LRRC27: variants seen among roughly 807,000 people sequenced by gnomAD.
LRRC27 encodes the protein leucine-rich repeat-containing protein 27.
LRRC27 carries 57 observed loss-of-function variants against 55.0 expected under a neutral mutation model. The ratio of observed to expected loss-of-function variants is 1.04; its 90% confidence interval spans 0.84 to 1.29. The LOEUF is 1.29. Ranked by LOEUF, LRRC27 falls within the 50% of genes most tolerant of loss-of-function variation. The pLI, the probability that LRRC27 is intolerant of heterozygous loss-of-function variation, is 0.00. For missense variants in LRRC27, 721 were observed against 651.5 expected (o/e 1.11, Z -1.16); for synonymous variants, 278 against 251.9 (o/e 1.10, Z -0.98).
At chr10:132,373,463 CG>C (rs2069262874) in intron 10 of LRRC27, among the ~76,000 whole-genome samples, 2 of 152,032 alleles carry the variant, frequency 1.3e-5, no homozygotes, top group Non-Finnish European at 2.9e-5. Context: ...CCAGGGAGGG[CG>C]GGGGGAGAGG....
upstream of LRRC27, among the ~76,000 whole-genome samples, chr10:132,330,671 C>CT (rs1236617583): frequency 6.1e-5 from 5 of 82,320 alleles, no homozygotes; most frequent in Non-Finnish European, 9.2e-5. Context: ...CCACACCCAG[C>CT]ATTTTTTTTT....
chr10:132,335,633 G>A (rs554759038), intron 2 of LRRC27, among the ~76,000 whole-genome samples: 2 of 152,220 alleles, frequency 1.3e-5, no homozygotes, highest in Admixed American at 6.5e-5. Flanking sequence ...GGGGCTGTAC[G>A]GTGCAGGTTC....
At chr10:132,362,548 G>C (rs2497651) in intron 9 of LRRC27, among the ~76,000 whole-genome samples, 40,787 of 151,770 alleles carry the variant, frequency 0.27, 5,886 homozygotes, top group Middle Eastern at 0.34. Context: ...TCCCTGGCTG[G>C]GCCTTGAGGG....
intron 4 of LRRC27, among the ~76,000 whole-genome samples, chr10:132,343,071 G>A (rs963124314): frequency 5.9e-5 from 9 of 152,142 alleles, no homozygotes; most frequent in East Asian, 1.9e-4. Flanking sequence ...ACCTTGGGGC[G>A]CCAAGGCAGG....
chr10:132,361,813 C>T (rs1326261187), intron 9 of LRRC27, among the ~76,000 whole-genome samples: 4 of 152,104 alleles, frequency 2.6e-5, no homozygotes. Flanking sequence ...TCCTGTAGGT[C>T]ACCAGGATAC....
chr10:132,355,057 C>T (rs918006570), intron 7 of LRRC27, among the ~76,000 whole-genome samples: 1 of 152,140 alleles, frequency 6.6e-6, no homozygotes, highest in Non-Finnish European at 1.5e-5. Flanking sequence ...TGCGGAGGCC[C>T]GAAGACGCCT....
intron 8 of LRRC27, among the ~76,000 whole-genome samples, chr10:132,358,740 G>A (rs539896028): frequency 1.5e-4 from 12 of 78,538 alleles, no homozygotes; most frequent in Admixed American, 2.8e-4. Flanking sequence ...GGAGCAGCGT[G>A]GGGAGGAGCC....
chr10:132,364,306 C>T (rs1036018516), intron 9 of LRRC27, among the ~76,000 whole-genome samples: 2 of 119,890 alleles, frequency 1.7e-5, no homozygotes, highest in Admixed American at 9.0e-5. Flanking sequence ...CCCACGCCCG[C>T]ACCAACACCC....
chr10:132,365,321 G>A (rs993289626), intron 9 of LRRC27, 103 bp from the exon 10 acceptor site: 2 of 1,503,368 alleles, frequency 1.3e-6, no homozygotes, highest in African/African-American at 1.4e-5. Flanking sequence ...CCGCTGTTTG[G>A]TCTGGGAAGA....
In LRRC27 at chr10:132,355,826, C is replaced by A; in HGVS notation, c.1110C>A (p.Ala370=). 6.4e-7 allele frequency: 1 copy of A among 1,558,010 alleles called. No homozygotes were observed. ...KRALQEWRER[A]QRMRKRKEEL... ...CACTGCAGGAGTGGAGAGAGCGAGC[C>A]CAGAGGATGAGGAAGAGGAAGGAAG... Residue 370 remains alanine, a synonymous_variant, in exon 8 of 11, where the codon GCC becomes GCA. Transcript: ENST00000368614.
chr10:132,331,497 G>A (rs767567434), upstream of LRRC27: 2 of 1,612,848 alleles, frequency 1.2e-6, no homozygotes, highest in South Asian at 2.2e-5. Flanking sequence ...CAAAGAGGAC[G>A]CTCTGAGTCT....
In LRRC27 at chr10:132,348,815, G is replaced by A; in HGVS notation, c.926+459G>A. The A allele has an allele frequency of 1.6e-6, 1 of 615,770 alleles. No individual in the cohort carries two copies. 38.1% of individuals were successfully genotyped at this position (615,770 alleles called of 1,614,324 possible). On this transcript the variant is annotated intron_variant, in intron 6 of 10. Transcript: ENST00000368614. This position sits in a 1 kb window ranked among gnomAD's most constrained non-coding sequence, Gnocchi z 4.2. ...TTTTACCTGTGAAAAGAGAGGAGTT[G>A]GGGGAAAGGTCAGTTATGCAGAAAA...
intron 7 of LRRC27, among the ~76,000 whole-genome samples, chr10:132,353,758 C>T (rs774824054): frequency 7.2e-5 from 11 of 152,202 alleles, no homozygotes; most frequent in African/African-American, 1.2e-4. Context: ...GCCCATCAGT[C>T]GCCCCACACT....
chr10:132,352,110 C>T (rs1207711247), intron 7 of LRRC27, among the ~76,000 whole-genome samples: 5 of 70,334 alleles, frequency 7.1e-5, no homozygotes, highest in African/African-American at 1.1e-4. Flanking sequence ...GCTGAGGCCT[C>T]CGTGTGGGGC....
At chr10:132,331,634 C>G (rs7080014), upstream of LRRC27, 601,917 of 1,612,116 alleles carry the variant, frequency 0.37, 114,417 homozygotes, top group Non-Finnish European at 0.39. Context: ...CAGCGAGGAC[C>G]GCTCCAAAGG....
At position 132,379,811 on chromosome 10, in the gene LRRC27, G is replaced by GAATTTTATAAT. The variant is rs1464367106; in HGVS notation, c.*4569_*4570insAATTTTATAAT. 3.3e-5 allele frequency: 5 copies of GAATTTTATAAT among 151,844 alleles called. No individual in the cohort carries two copies. The highest frequency in any genetic ancestry group is 9.7e-5 in the African/African-American group (4 of 41,302). The allele number at this position is 151,844 out of a possible 1,614,324, so 9.4% of individuals were successfully genotyped here. A position where few individuals can be genotyped will look rare whatever the true frequency, so the allele number is the denominator to read the frequency against. ...TTGAACAAGAGTTTGAATTATAAGG[G>GAATTTTATAAT]TCCACTTATAAGTGGATTTTTAAAA... On this transcript the variant is annotated 3_prime_UTR_variant, in exon 11 of 11. Transcript: ENST00000368614.
chr10:132,369,351 C>T (rs1457656246), intron 10 of LRRC27, among the ~76,000 whole-genome samples: 1 of 152,172 alleles, frequency 6.6e-6, no homozygotes, highest in Non-Finnish European at 1.5e-5. Context: ...ATTGCCAAAA[C>T]TTGGAAGCAC....
At chr10:132,368,044 AC>A (rs1452562000) in intron 10 of LRRC27, among the ~76,000 whole-genome samples, 2 of 152,242 alleles carry the variant, frequency 1.3e-5, no homozygotes, top group African/African-American at 4.8e-5. Context: ...TAAGTCAGTC[AC>A]CTTCCTGTGT....
chr10:132,343,745 C>CA (rs2067536704), intron 4 of LRRC27, among the ~76,000 whole-genome samples: 1 of 152,234 alleles, frequency 6.6e-6, no homozygotes, highest in South Asian at 2.1e-4. Context: ...CCCAAATACC[C>CA]AAAATCCAAG....
Sources: gnomAD v4.1 joint callset for allele counts (sites outside exome capture counted in the v4.1 genomes callset) on GRCh38, gnomAD v4.1.1 for gene constraint, Gnocchi (gnomAD v3.1) non-coding constraint, MANE v1.5 for transcripts, NCBI Gene and HGNC (gene_info 2026-07-23, HGNC 2026-07-21) for gene names.